PCNX1: variants seen among roughly 807,000 people sequenced by gnomAD.
PCNX1 encodes pecanex 1, also known as pecanex-like protein 1.
PCNX1 carries 78 observed loss-of-function variants against 242.2 expected under a neutral mutation model. The observed-to-expected ratio is 0.32, with a 90% CI of 0.27 to 0.39. The LOEUF is 0.39. Ranked by LOEUF, PCNX1 falls within the 10% of genes least tolerant of loss-of-function variation. PCNX1 has a pLI of 1.00. For missense variants in PCNX1, 2,581 were observed against 2,856.5 expected, an observed-to-expected ratio of 0.90 and a Z score of 2.20; for synonymous variants, 1,024 against 1,032.9, an observed-to-expected ratio of 0.99 and a Z score of 0.17.
chr14:70,966,747 A>T (rs561035729), intron 3 of PCNX1, among the ~76,000 whole-genome samples: 3 of 152,296 alleles, frequency 2.0e-5, no homozygotes, highest in Admixed American at 6.5e-5. Flanking sequence ...TTAAGTTTAA[A>T]TTCCTAGATG....
At chr14:70,919,916 A>G (rs1455943998) in intron 1 of PCNX1, among the ~76,000 whole-genome samples, 1 of 151,956 alleles carries the variant, frequency 6.6e-6, no homozygotes, top group Non-Finnish European at 1.5e-5. Flanking sequence ...AAGGGGGAAA[A>G]AAAAGTTGCA....
chr14:70,936,287 C>A (rs1367507015), intron 1 of PCNX1, among the ~76,000 whole-genome samples: 1 of 139,788 alleles, frequency 7.2e-6, no homozygotes, highest in Non-Finnish European at 1.6e-5. Flanking sequence ...TCCCTCCCCC[C>A]ACCCCACGAC....
At chr14:71,101,620 C>A (rs8007428) in intron 30 of PCNX1, among the ~76,000 whole-genome samples, 10 of 151,954 alleles carry the variant, frequency 6.6e-5, no homozygotes, top group Admixed American at 5.2e-4. Context: ...ATATAGAGAC[C>A]TTTTATGTAG....
At chr14:70,987,833 T>C (rs1246760158) in intron 6 of PCNX1, among the ~76,000 whole-genome samples, 1 of 152,230 alleles carries the variant, frequency 6.6e-6, no homozygotes, top group Non-Finnish European at 1.5e-5. Context: ...CAAACATTTT[T>C]GCTTGTTTGT....
chr14:71,057,450 C>T (rs566114013), intron 25 of PCNX1, 59 bp from the exon 26 acceptor site: 4 of 1,059,500 alleles, frequency 3.8e-6, no homozygotes, highest in South Asian at 1.4e-5. Context: ...TTTTAACAAT[C>T]TTGTTTGTCA....
intron 33 of PCNX1, among the ~76,000 whole-genome samples, chr14:71,105,949 T>G (rs1002662692): frequency 6.7e-6 from 1 of 149,358 alleles, no homozygotes; most frequent in Admixed American, 6.7e-5. Context: ...TTTTAAAACT[T>G]GATAATTCAA....
intron 5 of PCNX1, among the ~76,000 whole-genome samples, chr14:70,974,244 GTTTT>G (rs1202073692): frequency 1.4e-4 from 16 of 117,240 alleles, no homozygotes; most frequent in African/African-American, 4.4e-4. Context: ...TTTTTTTGTT[GTTTT>G]TTTTTTTTTT....
chr14:71,047,225 A>T (rs746303023), intron 21 of PCNX1, 120 bp downstream of exon 21: 45 of 555,630 alleles, frequency 8.1e-5, no homozygotes, highest in Non-Finnish European at 1.1e-4. Flanking sequence ...TGAGATTAAA[A>T]ATTTAGGTGA....
chr14:71,017,139 C>G (rs1320786461), intron 11 of PCNX1, among the ~76,000 whole-genome samples: 3 of 152,132 alleles, frequency 2.0e-5, no homozygotes, highest in African/African-American at 7.2e-5. Flanking sequence ...GACAAATGGA[C>G]AAATTTCTTG....
chr14:70,989,900 A>G (rs1483182589), intron 7 of PCNX1, among the ~76,000 whole-genome samples: 1 of 152,198 alleles, frequency 6.6e-6, no homozygotes, highest in South Asian at 2.1e-4. Context: ...AAATACTTTC[A>G]TTAGCCTCTG....
intron 8 of PCNX1, among the ~76,000 whole-genome samples, chr14:71,006,092 CGTGTGTGTGTCTGTGTGTGTGTGTGTGT>C (rs1323579611): frequency 1.4e-4 from 18 of 129,222 alleles, no homozygotes; most frequent in Non-Finnish European, 2.1e-4. Context: ...CCAGCTAGTA[CGTGTGTGTGTCTGTGTGTGTGTGTGTGT>C]GTGTGTGTGT....
At chr14:71,040,581 T>A (rs929138980) in intron 19 of PCNX1, among the ~76,000 whole-genome samples, 3 of 152,172 alleles carry the variant, frequency 2.0e-5, no homozygotes, top group Admixed American at 6.5e-5. Flanking sequence ...TGAGATACTT[T>A]GATACAGGCA....
In PCNX1 at chr14:71,038,862, C is replaced by G. The variant is rs1228713921; in HGVS notation, c.3867+2705C>G. 2.6e-5 allele frequency among the ~76,000 whole-genome samples: 4 copies of G among 151,184 alleles called. No individual in the cohort carries two copies. In the East Asian group the frequency reaches 7.8e-4, roughly 29 times the overall value. ...GATAGACTGGATTAAGAAAATGTGG[C>G]ACATATACACCATGGAATACTATGC... On this transcript the variant is annotated intron_variant, in intron 19 of 35. Coordinates refer to ENST00000304743, the MANE Select transcript of PCNX1 (RefSeq NM_014982.3).
At chr14:71,023,994 T>C (rs937580736) in intron 13 of PCNX1, among the ~76,000 whole-genome samples, 2 of 152,162 alleles carry the variant, frequency 1.3e-5, no homozygotes, top group African/African-American at 4.8e-5. Context: ...TGTAATGATA[T>C]ATGGAAACAT....
At chr14:70,908,272 T>C (rs995404968) in intron 1 of PCNX1, among the ~76,000 whole-genome samples, 4 of 151,948 alleles carry the variant, frequency 2.6e-5, no homozygotes, top group Admixed American at 6.6e-5. Flanking sequence ...AGGCCCCTTC[T>C]CGGGGTTCCC....
chr14:70,974,068 T>C (rs745708812), intron 5 of PCNX1, among the ~76,000 whole-genome samples: 1 of 151,924 alleles, frequency 6.6e-6, no homozygotes, highest in African/African-American at 2.4e-5. Flanking sequence ...TATGTGGTTT[T>C]TTTTTTTTTA....
intron 4 of PCNX1, among the ~76,000 whole-genome samples, chr14:70,968,499 C>T (rs1193795233): frequency 2.0e-5 from 3 of 152,186 alleles, no homozygotes; most frequent in Admixed American, 6.5e-5. Flanking sequence ...AAGAAACTTC[C>T]TTGCCCTTGA....
At chr14:71,066,825 T>C (rs2061459339) in intron 26 of PCNX1, among the ~76,000 whole-genome samples, 1 of 152,210 alleles carries the variant, frequency 6.6e-6, no homozygotes, top group African/African-American at 2.4e-5. Flanking sequence ...TGAAGGGCTG[T>C]TGAATTTTAT....
intron 20 of PCNX1, among the ~76,000 whole-genome samples, 181 bp downstream of exon 20, chr14:71,045,464 T>C (rs2060833186): frequency 6.6e-6 from 1 of 152,200 alleles, no homozygotes; most frequent in African/African-American, 2.4e-5. Context: ...AGCTGAAATA[T>C]GAGTATCAGT....
Sources: gnomAD v4.1 joint callset for allele counts (sites outside exome capture counted in the v4.1 genomes callset) on GRCh38, gnomAD v4.1.1 for gene constraint, MANE v1.5 for transcripts, NCBI Gene and HGNC (gene_info 2026-07-23, HGNC 2026-07-21) for gene names.